PRXL2A: variants seen among roughly 807,000 people sequenced by gnomAD.
PRXL2A encodes peroxiredoxin-like 2A.
Under a neutral mutation model 25.6 loss-of-function variants are expected in PRXL2A, and 26 were observed. The ratio of observed to expected loss-of-function variants is 1.02; its 90% CI spans 0.74 to 1.41. The LOEUF is 1.41. Among genes scored for constraint, PRXL2A ranks in the 40% most tolerant of loss-of-function variants. PRXL2A has a pLI of 0.00. For missense variants in PRXL2A, 246 were observed against 273.9 expected, an observed-to-expected ratio of 0.90 and a Z score of 0.72; for synonymous variants, 98 against 102.9, an observed-to-expected ratio of 0.95 and a Z score of 0.29.
At chr10:80,428,749 A>G (rs1845135557) in intron 5 of PRXL2A, among the ~76,000 whole-genome samples, 1 of 152,166 alleles carries the variant, frequency 6.6e-6, no homozygotes, top group Non-Finnish European at 1.5e-5. Context: ...GTCTCTGTCA[A>G]TTTTGGACAT....
chr10:80,428,347 G>A (rs572528888), intron 5 of PRXL2A, among the ~76,000 whole-genome samples: 1 of 152,324 alleles, frequency 6.6e-6, no homozygotes, highest in East Asian at 1.9e-4. Context: ...AGGAGGATGT[G>A]TAGCAGGGAT....
intron 3 of PRXL2A, among the ~76,000 whole-genome samples, 155 bp downstream of exon 3, chr10:80,422,663 CT>C (rs35293617): frequency 0.031 from 4,391 of 142,166 alleles, 67 homozygotes; most frequent in Middle Eastern, 0.04. Flanking sequence ...GATTTGTGCT[CT>C]TTTTTTTTTT....
rs1403194753 is a variant in PRXL2A, at chr10:80,411,757, C to G, written c.-3+3114C>G. On this transcript the variant is annotated intron_variant, in intron 1 of 5. Transcript: ENST00000606162. ...AGACTTGTTCACTGAGGGCCTGAGG[C>G]AAGGAGGCCCATGTGCACTCTTAGT... Among the ~76,000 whole-genome samples, 6 of 152,304 alleles carry G rather than the reference C, an allele frequency of 3.9e-5. No homozygotes were observed. In the East Asian group the frequency reaches 1.2e-3, roughly 29 times the overall value.
intron 5 of PRXL2A, among the ~76,000 whole-genome samples, chr10:80,430,952 C>T (rs766580717): frequency 4.6e-5 from 7 of 152,228 alleles, no homozygotes; most frequent in East Asian, 1.9e-4. Context: ...TGCAGTGGCG[C>T]GATCTCGGCT....
At position 80,432,305 on chromosome 10, in the gene PRXL2A, A is replaced by G. The variant is rs1330511197; in HGVS notation, c.*206A>G. The G allele has an allele frequency of 2.0e-6, 1 of 502,932 alleles. No individual in the cohort carries two copies. Among genetic ancestry groups the G allele is most frequent in the Non-Finnish European group, 3.4e-6 (1 of 290,772 alleles). The allele number at this position is 502,932 out of a possible 1,614,324, so 31.2% of individuals were successfully genotyped here. ...AGACTGACAAAAATCTGAAAAACTA[A>G]TGAGGATTATTAAGCTAAAACCTGG... On this transcript the variant is annotated 3_prime_UTR_variant, in exon 6 of 6. Transcript: ENST00000606162.
In PRXL2A at chr10:80,433,165, C is replaced by T. The variant is rs1039392274; in HGVS notation, c.*1066C>T. 1 of 152,230 alleles carries T rather than the reference C, an allele frequency of 6.6e-6. No individual in the cohort carries two copies. Among genetic ancestry groups the T allele is most frequent in the Non-Finnish European group, 1.5e-5 (1 of 68,048 alleles). 9.4% of individuals were successfully genotyped at this position (152,230 alleles called of 1,614,324 possible). On this transcript the variant is annotated 3_prime_UTR_variant, in exon 6 of 6. Transcript: ENST00000606162. ...TGAAAATGACCAGGAAAAATTCATC[C>T]TGTCATTCACGTTAGTAATTTTGCT...
At chr10:80,430,302 A>G in intron 5 of PRXL2A, among the ~76,000 whole-genome samples, 1 of 151,976 alleles carries the variant, frequency 6.6e-6, no homozygotes, top group Non-Finnish European at 1.5e-5. Context: ...GGGTGTCACC[A>G]TGTTGGCCAG....
Position 80,425,871 on chromosome 10 carries a change from T to G in PRXL2A, c.276T>G (p.Ala92=), listed in dbSNP as rs143044329. ...AACCCTTGTGTCTTCTACAGGAAGC[T>G]GCGGATCTGTCCTCCCTGAAAAGCA... The part of the protein sequence containing the change: ...RPGCFLCREE[A]ADLSSLKSML... Residue 92 remains alanine (A), a synonymous_variant, in exon 4 of 6, where the codon GCT becomes GCG. Coordinates refer to ENST00000606162, the MANE Select transcript of PRXL2A (RefSeq NM_032333.5). 2.1e-4 allele frequency: 331 copies of G among 1,614,238 alleles called. No individual in the cohort carries two copies. In the African/African-American group the frequency reaches 3.5e-3, roughly 17 times the overall value.
At chr10:80,408,258 T>A (rs1164723957), upstream of PRXL2A, among the ~76,000 whole-genome samples, 1 of 150,916 alleles carries the variant, frequency 6.6e-6, no homozygotes, top group Non-Finnish European at 1.5e-5. Context: ...GCAGGACAGG[T>A]GCTTCCAGGC....
rs1845377337 is a variant in PRXL2A at position 80,435,425 on chromosome 10, T to C, written c.*3326T>C. 6.6e-6 allele frequency: 1 copy of C among 152,142 alleles called. No homozygotes were observed. The highest frequency in any genetic ancestry group is 2.4e-5 in the African/African-American group (1 of 41,480). The allele number at this position is 152,142 out of a possible 1,614,324, so 9.4% of individuals were successfully genotyped here. ...CAAAATTGTTTGTGCTGAAAATCAATGATTTGCAGCTCTCAAGATTCCAGT... is the reference window on the plus strand; with the variant it reads ...CAAAATTGTTTGTGCTGAAAATCAACGATTTGCAGCTCTCAAGATTCCAGT... On this transcript the variant is annotated 3_prime_UTR_variant, in exon 6 of 6. Coordinates refer to ENST00000606162, the MANE Select transcript of PRXL2A (RefSeq NM_032333.5).
chr10:80,421,678 C>T (rs17679603), intron 2 of PRXL2A, among the ~76,000 whole-genome samples: 16,441 of 151,672 alleles, frequency 0.11, 1,184 homozygotes, highest in South Asian at 0.31. Context: ...ATAACATCTA[C>T]GGGAACATGG....
At chr10:80,426,624 T>C (rs1180216499) in intron 4 of PRXL2A, among the ~76,000 whole-genome samples, 4 of 152,212 alleles carry the variant, frequency 2.6e-5, no homozygotes, top group Non-Finnish European at 5.9e-5. Flanking sequence ...GTTCCTCCAC[T>C]GTTGGGGGCC....
At chr10:80,428,879 G>A (rs1845139244) in intron 5 of PRXL2A, among the ~76,000 whole-genome samples, 1 of 152,106 alleles carries the variant, frequency 6.6e-6, no homozygotes. Context: ...GAATAAAAGG[G>A]AATAGAAATC....
In PRXL2A at chr10:80,435,956, A is replaced by T. The variant is rs887932221; in HGVS notation, c.*3857A>T. ...ATAAACTGAGAATCCACATGCAAAGAAATGCAAGAAAATTCAAAGAACGTA... is the reference window on the plus strand; with the variant it reads ...ATAAACTGAGAATCCACATGCAAAGTAATGCAAGAAAATTCAAAGAACGTA... On this transcript the variant is annotated 3_prime_UTR_variant, in exon 6 of 6. Coordinates refer to ENST00000606162, the MANE Select transcript of PRXL2A (RefSeq NM_032333.5). 5.9e-5 allele frequency: 9 copies of T among 152,220 alleles called. No homozygotes were observed. The highest frequency in any genetic ancestry group is 1.7e-4 in the African/African-American group (7 of 41,468). The allele number at this position is 152,220 out of a possible 1,614,324, so 9.4% of individuals were successfully genotyped here. A position where few individuals can be genotyped will look rare whatever the true frequency, so the allele number is the denominator to read the frequency against.
rs563792373 is a variant in PRXL2A at position 80,428,434 on chromosome 10, G to A, written c.576+938G>A. On this transcript the variant is annotated intron_variant, in intron 5 of 5. Transcript: ENST00000606162. ...AGCACTTTGGGAGGCCAAGGCGGGC[G>A]GATCACTTGAGGCCAGGAGTTCCAG... 1.2e-4 allele frequency among the ~76,000 whole-genome samples: 19 copies of A among 152,314 alleles called. No individual in the cohort carries two copies. In the East Asian group the frequency reaches 2.5e-3, roughly 20 times the overall value.
intron 2 of PRXL2A, among the ~76,000 whole-genome samples, chr10:80,421,034 G>A (rs1450091575): frequency 6.6e-6 from 1 of 152,110 alleles, no homozygotes; most frequent in African/African-American, 2.4e-5. Context: ...GGAATTCCAG[G>A]CTTGTGGGAT....
chr10:80,410,034 A>C (rs546755492), intron 1 of PRXL2A, among the ~76,000 whole-genome samples: 1 of 152,380 alleles, frequency 6.6e-6, no homozygotes, highest in Non-Finnish European at 1.5e-5. Context: ...TACAAAAGAC[A>C]TTTCTGATGA....
chr10:80,413,764 C>G, intron 1 of PRXL2A: 1 of 922,632 alleles, frequency 1.1e-6, no homozygotes, highest in African/African-American at 1.8e-5. Context: ...GTGACTGAGC[C>G]TAGGGACCTA....
At chr10:80,413,535 AC>A (rs1184474535) in intron 1 of PRXL2A, among the ~76,000 whole-genome samples, 3 of 152,232 alleles carry the variant, frequency 2.0e-5, no homozygotes, top group African/African-American at 7.2e-5. Flanking sequence ...GGGCTGTGTT[AC>A]GAGCTTTGCT....
Sources: gnomAD v4.1 joint callset for allele counts (sites outside exome capture counted in the v4.1 genomes callset) on GRCh38, gnomAD v4.1.1 for gene constraint, MANE v1.5 for transcripts, NCBI Gene and HGNC (gene_info 2026-07-23, HGNC 2026-07-21) for gene names.